Variants in MACF1 observed in about 807,000 individuals in gnomAD.
MACF1 encodes microtubule actin crosslinking factor 1.
A neutral mutation model predicts 854.8 loss-of-function variants in MACF1; 193 were observed. The ratio of observed to expected loss-of-function variants is 0.23; its 90% CI spans 0.20 to 0.25. The LOEUF (loss-of-function observed/expected upper bound fraction) is 0.25. Among genes scored for constraint, MACF1 ranks in the 10% least tolerant of loss-of-function variants. MACF1 has a pLI of 1.00. For synonymous variants in MACF1, 3,185 were observed against 3,226.7 expected (o/e 0.99, Z 0.44); for missense variants, 7,722 against 8,929.1 (o/e 0.86, Z 5.45).
chr1:39,350,669 A>G, intron 42 of MACF1, 116 bp from the exon 43 acceptor site: 1 of 645,708 alleles, frequency 1.5e-6, no homozygotes. Context: ...AGCAAATTGT[A>G]GTTAGGGACT....
chr1:39,469,508 CCTGT>C (rs767927174), intron 96 of MACF1, 35 bp from the exon 97 acceptor site: 45 of 1,469,044 alleles, frequency 3.1e-5, no homozygotes, highest in East Asian at 4.9e-5. Flanking sequence ...CGTTTCCTGC[CCTGT>C]CTGTTTCTTT....
At position 39,334,637 on chromosome 1, in the gene MACF1, T is replaced by C; in HGVS notation, c.8049T>C (p.Val2683=). The C allele has an allele frequency of 1.2e-6, 2 of 1,614,088 alleles. No individual in the cohort carries two copies. The highest frequency in any genetic ancestry group is 1.7e-6 in the Non-Finnish European group (2 of 1,180,010). ...GKVDFASTLK[V]LEAQANTGGI... ...TAGACTTTGCATCTACGCTGAAGGT[T>C]CTAGAAGCCCAGGCAAATACTGGTG... Residue 2683 remains valine, a synonymous_variant, in exon 37 of 101, where the codon GTT becomes GTC. Coordinates refer to ENST00000564288, the MANE Select transcript of MACF1 (RefSeq NM_001394062.1).
intron 58 of MACF1, chr1:39,410,028 A>C (rs1395237897): frequency 2.4e-6 from 1 of 417,014 alleles, no homozygotes; most frequent in Admixed American, 3.9e-5. Flanking sequence ...GAATTATTTT[A>C]AATTATATCG....
At chr1:39,095,836 T>C (rs1220686903) in intron 2 of MACF1, among the ~76,000 whole-genome samples, 3 of 151,110 alleles carry the variant, frequency 2.0e-5, no homozygotes, top group Non-Finnish European at 4.4e-5. Flanking sequence ...ATTGTACTAC[T>C]ACACTCCAGC....
At chr1:39,211,191 C>T (rs910725561) in intron 1 of MACF1, among the ~76,000 whole-genome samples, 3 of 152,082 alleles carry the variant, frequency 2.0e-5, no homozygotes, top group Admixed American at 2.0e-4. Context: ...TGAACTTGAA[C>T]TCCTGACCTC....
chr1:39,187,911 T>TCTC (rs1446223250), intron 2 of MACF1, among the ~76,000 whole-genome samples: 31 of 122,206 alleles, frequency 2.5e-4, no homozygotes, highest in East Asian at 1.2e-3. Context: ...TCCTCTCTCC[T>TCTC]TCCTTCCTTC....
Position 39,385,781 on chromosome 1 carries a change from C to T in MACF1, c.14196C>T (p.Asp4732=), listed in dbSNP as rs936645076. 6.2e-7 allele frequency: 1 copy of T among 1,614,012 alleles called. No individual in the cohort carries two copies. The highest frequency in any genetic ancestry group is 1.3e-5 in the African/African-American group (1 of 74,880). The change falls in exon 57 of 101, where the codon GAC becomes GAT. Residue 4732 remains aspartate, a synonymous_variant. Coordinates refer to ENST00000564288, the MANE Select transcript of MACF1 (RefSeq NM_001394062.1). ...QLEETSEIRS[D]LEQLDHEVKE... is the part of the protein sequence containing the mutation. ...AAGAGACCAGTGAAATTCGATCTGA[C>T]TTGGAGCAGTTAGACCACGAGGTTA... is the stretch of plus-strand genomic sequence containing the variant.
chr1:39,110,240 T>TTC (rs1642362389), intron 2 of MACF1, among the ~76,000 whole-genome samples: 1 of 144,510 alleles, frequency 6.9e-6, no homozygotes, highest in African/African-American at 2.5e-5. Flanking sequence ...CTTTTTTTTT[T>TTC]TTTTTTTTTT....
intron 38 of MACF1, among the ~76,000 whole-genome samples, chr1:39,338,659 G>GC (rs897902511): frequency 3.3e-5 from 5 of 152,218 alleles, no homozygotes; most frequent in African/African-American, 1.2e-4. Context: ...AGGGAGAGCA[G>GC]CCATTTATTG....
At chr1:39,206,084 T>C (rs1046928606) in intron 1 of MACF1, among the ~76,000 whole-genome samples, 4 of 152,238 alleles carry the variant, frequency 2.6e-5, no homozygotes, top group South Asian at 2.1e-4. Context: ...TGATGGCTTA[T>C]TATTTAGCTT....
chr1:39,361,280 T>C, intron 48 of MACF1, 80 bp from the exon 49 acceptor site: 4 of 1,365,848 alleles, frequency 2.9e-6, no homozygotes, highest in African/African-American at 1.4e-5. Flanking sequence ...CCTTGTGAGA[T>C]AGCATATAGT....
At chr1:39,365,711 T>C (rs1213732582) in intron 49 of MACF1, among the ~76,000 whole-genome samples, 3 of 151,990 alleles carry the variant, frequency 2.0e-5, no homozygotes, top group Non-Finnish European at 4.4e-5. Context: ...GATCTTGTTC[T>C]GTCACCCAGG....
chr1:39,412,069 G>A (rs1643033700), intron 58 of MACF1: 4 of 1,613,946 alleles, frequency 2.5e-6, no homozygotes, highest in Non-Finnish European at 3.4e-6. Context: ...GGACCCAGGA[G>A]GACTGCTGAA....
chr1:39,368,034 T>G, intron 49 of MACF1, 114 bp from the exon 50 acceptor site: 1 of 710,682 alleles, frequency 1.4e-6, no homozygotes, highest in Non-Finnish European at 2.2e-6. Context: ...GAGTTGCATA[T>G]TTATTGTTTT....
At position 39,337,246 on chromosome 1, in the gene MACF1, T is replaced by G; in HGVS notation, c.10130T>G (p.Leu3377Ter). Residue 3377 changes from leucine to a stop codon, truncating the protein, a stop_gained, in exon 38 of 101, where the codon TTA becomes TGA. Transcript: ENST00000564288. LOFTEE classifies it high-confidence loss of function. The part of the protein sequence containing the change: ...DEKLVSYLSL[L>*]RNIEMRTKQI... ...AAGCTAGTATCCTATCTGTCTCTGT[T>G]ACGGAACATTGAAATGAGGACCAAA... The G allele has an allele frequency of 6.2e-7, 1 of 1,614,116 alleles. No individual in the cohort carries two copies. The highest frequency in any genetic ancestry group is 8.5e-7 in the Non-Finnish European group (1 of 1,179,976).
At chr1:39,474,470 C>T (rs776718658) in intron 97 of MACF1, among the ~76,000 whole-genome samples, 20 of 151,418 alleles carry the variant, frequency 1.3e-4, no homozygotes, top group Admixed American at 4.6e-4. Flanking sequence ...CTGAGCCGGG[C>T]GGATCACCCG....
At chr1:39,118,141 C>T (rs1293784413) in intron 2 of MACF1, among the ~76,000 whole-genome samples, 1 of 152,262 alleles carries the variant, frequency 6.6e-6, no homozygotes, top group African/African-American at 2.4e-5. Flanking sequence ...GCCTGGAAGG[C>T]TTGGCTCTTC....
rs1447017574 is a variant in MACF1 at position 39,105,001 on chromosome 1, G to A, written c.220+20563G>A. 6.6e-6 allele frequency among the ~76,000 whole-genome samples: 1 copy of A among 152,184 alleles called. No homozygotes were observed. The highest frequency in any genetic ancestry group is 1.5e-5 in the Non-Finnish European group (1 of 68,014). ...AGAAACCCTCCTTTGTCCCGCTCCC[G>A]GCGGCGTAGGTCAGCGCTGACTGGG... On this transcript the variant is annotated intron_variant, in intron 2 of 93. Coordinates refer to the MACF1 transcript ENST00000361689. The surrounding 1 kb of genome is among the most constrained non-coding windows in gnomAD (Gnocchi z 5.9).
chr1:39,123,682 GGCTC>G (rs1642779206), intron 2 of MACF1, among the ~76,000 whole-genome samples: 1 of 150,600 alleles, frequency 6.6e-6, no homozygotes, highest in South Asian at 2.1e-4. Flanking sequence ...TGGGACTACA[GGCTC>G]GTGCCACCAT....
Sources: gnomAD v4.1 joint callset for allele counts (sites outside exome capture counted in the v4.1 genomes callset) on GRCh38, gnomAD v4.1.1 for gene constraint, Gnocchi (gnomAD v3.1) non-coding constraint, MANE v1.5 for transcripts, NCBI Gene and HGNC (gene_info 2026-07-23, HGNC 2026-07-21) for gene names.